The following CA10 variants were observed in gnomAD, a reference collection of about 807,000 sequenced individuals.
CA10 encodes the protein carbonic anhydrase 10 (inactive).
Under a neutral mutation model 44.2 loss-of-function variants are expected in CA10, and 14 were observed. That is an observed-to-expected ratio of 0.32 (90% CI 0.21 to 0.50). The LOEUF (loss-of-function observed/expected upper bound fraction) is 0.50. Ranked by LOEUF, CA10 falls within the 20% of genes least tolerant of loss-of-function variation. CA10 has a pLI of 0.99. For missense variants in CA10, 350 were observed against 409.7 expected, an observed-to-expected ratio of 0.85 and a Z score of 1.26; for synonymous variants, 159 against 141.6, an observed-to-expected ratio of 1.12 and a Z score of -0.87.
intron 3 of CA10, among the ~76,000 whole-genome samples, chr17:51,880,959 G>A (rs1048799193): frequency 0.19 from 37 of 190 alleles, no homozygotes; most frequent in Non-Finnish European, 0.12. Flanking sequence ...TTTATCGGCC[G>A]GGCGCGGGTG....
At chr17:51,877,999 C>T (rs1261164762) in intron 3 of CA10, among the ~76,000 whole-genome samples, 1 of 151,548 alleles carries the variant, frequency 6.6e-6, no homozygotes, top group Admixed American at 6.6e-5. Context: ...AAAAAATTAG[C>T]CAGGCATGGT....
intron 2 of CA10, among the ~76,000 whole-genome samples, chr17:52,057,903 A>T (rs1326782007): frequency 1.8e-5 from 2 of 113,042 alleles, no homozygotes; most frequent in African/African-American, 3.3e-5. Flanking sequence ...TAGATCCTGA[A>T]GTTCCAAAGT....
chr17:51,930,923 G>T, intron 3 of CA10, 67 bp downstream of exon 3: 5 of 1,575,586 alleles, frequency 3.2e-6, no homozygotes, highest in South Asian at 2.3e-5. Context: ...GAAGCCTTGA[G>T]GATTAGCTTT....
intron 4 of CA10, among the ~76,000 whole-genome samples, chr17:51,658,934 A>G (rs1355098820): frequency 6.6e-6 from 1 of 152,146 alleles, no homozygotes; most frequent in African/African-American, 2.4e-5. Context: ...GACACCTTCC[A>G]TGAAACACTG....
At chr17:51,874,714 C>A (rs1979975076) in intron 3 of CA10, among the ~76,000 whole-genome samples, 1 of 152,166 alleles carries the variant, frequency 6.6e-6, no homozygotes, top group South Asian at 2.1e-4. Context: ...GAATTAACCA[C>A]TGCAAGATTA....
intron 4 of CA10, among the ~76,000 whole-genome samples, chr17:51,692,433 A>ATCTAT (rs1555585307): frequency 2.3e-4 from 19 of 82,234 alleles, no homozygotes; most frequent in East Asian, 7.4e-4. Flanking sequence ...CTATTTTACC[A>ATCTAT]TTTACCATGG....
chr17:52,113,612 T>C (rs1988831740), intron 1 of CA10, among the ~76,000 whole-genome samples: 1 of 152,200 alleles, frequency 6.6e-6, no homozygotes, highest in Admixed American at 6.5e-5. Context: ...AGTAATTAGT[T>C]GCTAAATTCA....
At chr17:51,847,014 T>C (rs1011732177) in intron 3 of CA10, among the ~76,000 whole-genome samples, 7 of 152,196 alleles carry the variant, frequency 4.6e-5, no homozygotes, top group Admixed American at 1.3e-4. Context: ...TGTGGAATAA[T>C]ATGGACAGTT....
intron 2 of CA10, among the ~76,000 whole-genome samples, chr17:52,058,441 T>C (rs1014997747): frequency 4.6e-5 from 7 of 152,108 alleles, no homozygotes; most frequent in Non-Finnish European, 8.8e-5. Context: ...CATTAGGTGA[T>C]TTTCAAACAT....
At chr17:51,980,999 T>C (rs1203801666) in intron 2 of CA10, among the ~76,000 whole-genome samples, 1 of 152,080 alleles carries the variant, frequency 6.6e-6, no homozygotes, top group Admixed American at 6.6e-5. Flanking sequence ...CCCAATGGAA[T>C]AGATAAAATT....
rs1430761672 is a variant in CA10 at position 52,104,936 on chromosome 17, CA to C, written c.62-32544del. Among the ~76,000 whole-genome samples, 3 of 152,132 alleles carry C rather than the reference CA, an allele frequency of 2.0e-5. No homozygotes were observed. The East Asian group carries it at 5.8e-4, about 29-fold the overall frequency. Reference sequence around the variant, plus strand: ...GCAACTTTTCTTGCTGGAGTACTTACAAAAAAATAAGGGGTTCCTGAGAGCC... The same window carrying C: ...GCAACTTTTCTTGCTGGAGTACTTACAAAAAATAAGGGGTTCCTGAGAGCC... On this transcript the variant is annotated intron_variant, in intron 1 of 8. Coordinates refer to ENST00000451037, the MANE Select transcript of CA10 (RefSeq NM_020178.5).
chr17:51,729,786 G>T (rs901881426), intron 4 of CA10, among the ~76,000 whole-genome samples: 4 of 152,160 alleles, frequency 2.6e-5, no homozygotes, highest in Non-Finnish European at 5.9e-5. Flanking sequence ...TCTCTAATGA[G>T]GTGGATGTGG....
chr17:51,879,376 C>A (rs533106971), intron 3 of CA10, among the ~76,000 whole-genome samples: 1 of 152,256 alleles, frequency 6.6e-6, no homozygotes, highest in African/African-American at 2.4e-5. Flanking sequence ...TTCTTCTACT[C>A]ATCTTTCTTA....
intron 2 of CA10, among the ~76,000 whole-genome samples, chr17:52,043,802 A>G (rs1986834773): frequency 2.0e-5 from 3 of 152,044 alleles, no homozygotes; most frequent in Admixed American, 2.0e-4. Context: ...TTCCCCATCT[A>G]TTGAGATAAT....
intron 2 of CA10, among the ~76,000 whole-genome samples, chr17:52,044,011 T>C (rs186289778): frequency 2.2e-4 from 34 of 152,210 alleles, no homozygotes; most frequent in Non-Finnish European, 3.7e-4. Context: ...TGGCCTGTAA[T>C]GTTCTGTTCT....
At chr17:51,631,675 GCA>G (rs1178451124) in intron 8 of CA10, 69 bp from the exon 9 acceptor site, 8 of 1,346,444 alleles carry the variant, frequency 5.9e-6, no homozygotes, top group African/African-American at 2.9e-5. Context: ...CAATTAATTT[GCA>G]CACAGTTTTA....
intron 2 of CA10, among the ~76,000 whole-genome samples, chr17:51,970,046 G>A (rs993433371): frequency 2.0e-5 from 3 of 151,960 alleles, no homozygotes; most frequent in Admixed American, 1.3e-4. Flanking sequence ...GGAGTGGAAA[G>A]GGGAAAGATG....
At chr17:52,045,252 C>T (rs764944793) in intron 2 of CA10, among the ~76,000 whole-genome samples, 3 of 149,986 alleles carry the variant, frequency 2.0e-5, no homozygotes, top group Non-Finnish European at 4.4e-5. Context: ...AAGCCCATTT[C>T]AGAAAAAAAT....
intron 2 of CA10, among the ~76,000 whole-genome samples, chr17:51,939,977 G>A (rs548020672): frequency 6.6e-6 from 1 of 151,922 alleles, no homozygotes; most frequent in South Asian, 2.1e-4. Flanking sequence ...CCAACTACAG[G>A]TTATATACGT....
Sources: allele counts gnomAD v4.1 joint callset (sites outside exome capture counted in the v4.1 genomes callset), GRCh38; gene constraint gnomAD v4.1.1; transcripts MANE v1.5; gene names NCBI Gene and HGNC (gene_info 2026-07-23, HGNC 2026-07-21).